RIT2: variants seen among roughly 807,000 people sequenced by gnomAD.
The protein encoded by RIT2 is GTP-binding protein Rit2.
A neutral mutation model predicts 23.7 loss-of-function variants in RIT2; 24 were observed. The observed-to-expected ratio is 1.01, with a 90% CI of 0.73 to 1.43. The LOEUF is 1.43. Ranked by LOEUF, RIT2 falls within the 40% of genes most tolerant of loss-of-function variation. The pLI is 0.00. For missense variants in RIT2, 236 were observed against 266.9 expected (o/e 0.88, Z 0.81); for synonymous variants, 107 against 91.1 (o/e 1.17, Z -0.99).
intron 1 of RIT2, among the ~76,000 whole-genome samples, chr18:43,074,639 A>C (rs1279169945): frequency 6.6e-6 from 1 of 152,198 alleles, no homozygotes; most frequent in African/African-American, 2.4e-5. Context: ...ATGACATGGA[A>C]TCAACCGACA....
intron 1 of RIT2, among the ~76,000 whole-genome samples, chr18:43,071,699 C>T: frequency 6.6e-6 from 1 of 152,136 alleles, no homozygotes; most frequent in East Asian, 1.9e-4. Context: ...ATTTACATTA[C>T]TATATTACAT....
rs1568028683 is a variant in RIT2 at position 42,913,197 on chromosome 18, C to CTAAA, written c.426+10374_426+10375insTTTA. On this transcript the variant is annotated intron_variant, in intron 4 of 4. Transcript: ENST00000326695. ...CTGGAGCAATTAACCATCCATCAGC[C>CTAAA]AAAAAAAAAAAACAAATTTATACAA... is the stretch of plus-strand genomic sequence containing the variant. Among the ~76,000 whole-genome samples the CTAAA allele has an allele frequency of 9.3e-3, 960 of 103,356 alleles. 11 individuals carry two copies. Among genetic ancestry groups the CTAAA allele is most frequent in the African/African-American group, 0.029 (924 of 31,428 alleles). 67.8% of individuals were successfully genotyped at this position (103,356 alleles called of 152,430 possible).
intron 4 of RIT2, among the ~76,000 whole-genome samples, chr18:42,798,225 C>T (rs1905429372): frequency 6.6e-6 from 1 of 152,286 alleles, no homozygotes; most frequent in Admixed American, 6.5e-5. Context: ...AGGAACCATT[C>T]TGAATTTAGA....
At chr18:42,753,562 T>C (rs1913095599) in intron 4 of RIT2, among the ~76,000 whole-genome samples, 1 of 152,220 alleles carries the variant, frequency 6.6e-6, no homozygotes, top group Admixed American at 6.5e-5. Flanking sequence ...ATTTTTAATA[T>C]CTTCTTGTAA....
chr18:42,947,283 G>A (rs993208145), intron 3 of RIT2, among the ~76,000 whole-genome samples: 2 of 152,004 alleles, frequency 1.3e-5, no homozygotes, highest in African/African-American at 4.8e-5. Context: ...AACTGAGAGT[G>A]GACTGAATTC....
intron 1 of RIT2, among the ~76,000 whole-genome samples, chr18:43,110,197 A>G (rs1913920492): frequency 6.6e-6 from 1 of 152,086 alleles, no homozygotes; most frequent in South Asian, 2.1e-4. Context: ...AAACATTATC[A>G]TTATGTTAAG....
At chr18:43,101,182 A>G (rs1913675600) in intron 1 of RIT2, among the ~76,000 whole-genome samples, 2 of 152,044 alleles carry the variant, frequency 1.3e-5, no homozygotes, top group South Asian at 4.1e-4. Context: ...CTTTGTTCAT[A>G]CGTATGTTAA....
rs187423271 is a variant in RIT2 at position 42,774,116 on chromosome 18, A to G, written c.427-30396T>C. Among the ~76,000 whole-genome samples, 70 of 152,318 alleles carry G rather than the reference A, an allele frequency of 4.6e-4. 1 individual carries two copies. The highest frequency in any genetic ancestry group is 3.9e-3 in the Admixed American group (59 of 15,306). The stretch of plus-strand genomic sequence containing the variant: ...TCCTTTAAACAAAAAAGATATTTTC[A>G]CACTTGTAAAAGTTAAGAAAAGGAA... On this transcript the variant is annotated intron_variant, in intron 4 of 4. Transcript: ENST00000326695.
At chr18:42,906,755 C>G (rs1041207076) in intron 4 of RIT2, among the ~76,000 whole-genome samples, 3 of 152,264 alleles carry the variant, frequency 2.0e-5, no homozygotes, top group African/African-American at 7.2e-5. Flanking sequence ...GTCTTGTCTG[C>G]CCCATATCTG....
intron 1 of RIT2, among the ~76,000 whole-genome samples, chr18:43,038,482 T>C (rs971368775): frequency 6.6e-6 from 1 of 152,076 alleles, no homozygotes; most frequent in Non-Finnish European, 1.5e-5. Flanking sequence ...GTTTCCCTGC[T>C]CTCCAAATGT....
chr18:42,809,552 G>A (rs1160491490), intron 4 of RIT2, among the ~76,000 whole-genome samples: 1 of 151,870 alleles, frequency 6.6e-6, no homozygotes, highest in East Asian at 1.9e-4. Context: ...CCTGTATGAG[G>A]CTACTTTGTA....
At chr18:42,818,457 C>A (rs1424736626) in intron 4 of RIT2, among the ~76,000 whole-genome samples, 2 of 152,094 alleles carry the variant, frequency 1.3e-5, no homozygotes, top group Middle Eastern at 6.8e-3. Flanking sequence ...ACAGTGCTAA[C>A]CCTTTCTATA....
chr18:43,087,341 A>T (rs4264476), intron 1 of RIT2, among the ~76,000 whole-genome samples: 13,689 of 152,174 alleles, frequency 0.09, 698 homozygotes, highest in East Asian at 0.18. Context: ...CCATAATAAC[A>T]CGTGGATGTG....
At chr18:43,000,743 A>G (rs1911085844) in intron 2 of RIT2, among the ~76,000 whole-genome samples, 1 of 151,978 alleles carries the variant, frequency 6.6e-6, no homozygotes, top group South Asian at 2.1e-4. Flanking sequence ...GCCATGTAAG[A>G]TGTGCCTTTG....
At chr18:42,770,645 A>G (rs1913529194) in intron 4 of RIT2, among the ~76,000 whole-genome samples, 1 of 152,248 alleles carries the variant, frequency 6.6e-6, no homozygotes, top group African/African-American at 2.4e-5. Flanking sequence ...TTGGTAAGGG[A>G]TAGAGATATT....
intron 2 of RIT2, among the ~76,000 whole-genome samples, chr18:43,013,355 T>C (rs909082835): frequency 2.0e-5 from 3 of 151,876 alleles, no homozygotes; most frequent in Non-Finnish European, 4.4e-5. Flanking sequence ...TAAATTTGTG[T>C]CAATAATTTT....
At chr18:42,835,817 T>C (rs1906586374) in intron 4 of RIT2, among the ~76,000 whole-genome samples, 1 of 152,150 alleles carries the variant, frequency 6.6e-6, no homozygotes, top group Non-Finnish European at 1.5e-5. Flanking sequence ...ATAAAAGTTA[T>C]AAAGTCAGAC....
chr18:42,811,960 T>C (rs1286572198), intron 4 of RIT2, among the ~76,000 whole-genome samples: 1 of 152,118 alleles, frequency 6.6e-6, no homozygotes, highest in African/African-American at 2.4e-5. Flanking sequence ...TCATTCTTCA[T>C]AAATATGAAA....
intron 2 of RIT2, among the ~76,000 whole-genome samples, chr18:42,979,222 A>G (rs2144210728): frequency 6.6e-6 from 1 of 152,210 alleles, no homozygotes; most frequent in Admixed American, 6.6e-5. Flanking sequence ...TTTCAGAATA[A>G]ACATATTCAT....
Sources: gnomAD v4.1 joint callset for allele counts (sites outside exome capture counted in the v4.1 genomes callset) on GRCh38, gnomAD v4.1.1 for gene constraint, MANE v1.5 for transcripts, NCBI Gene and HGNC (gene_info 2026-07-23, HGNC 2026-07-21) for gene names.